BTG4: variants seen among roughly 807,000 people sequenced by gnomAD.
BTG4 encodes the protein BTG anti-proliferation factor 4.
A neutral mutation model predicts 19.3 loss-of-function variants in BTG4; 10 were observed. The ratio of observed to expected loss-of-function variants is 0.52; its 90% CI spans 0.32 to 0.88. The LOEUF (loss-of-function observed/expected upper bound fraction) is 0.88, where lower values mean the gene tolerates loss of function less well. Among genes scored for constraint, BTG4 ranks in the 40% least tolerant of loss-of-function variants. The pLI, the probability that BTG4 is intolerant of heterozygous loss-of-function variation, is 0.04. For synonymous variants in BTG4, 91 were observed against 95.7 expected, an observed-to-expected ratio of 0.95 and a Z score of 0.29; for missense variants, 238 against 281.9, an observed-to-expected ratio of 0.84 and a Z score of 1.11.
At chr11:111,434,719 G>T in the BTG4 span, among the ~76,000 whole-genome samples, 1 of 149,594 alleles carries the variant, frequency 6.7e-6, no homozygotes, top group Non-Finnish European at 1.5e-5. Context: ...AAAAAAAAAA[G>T]TTTGTCCGTA....
the BTG4 span, among the ~76,000 whole-genome samples, chr11:111,400,544 A>G: frequency 6.6e-6 from 1 of 152,236 alleles, no homozygotes; most frequent in African/African-American, 2.4e-5. Flanking sequence ...TTCAAAGGAA[A>G]ATAATCTTAT....
At chr11:111,395,937 G>T in the BTG4 span, among the ~76,000 whole-genome samples, 1 of 152,176 alleles carries the variant, frequency 6.6e-6, no homozygotes, top group South Asian at 2.1e-4. Context: ...TCCACCAGCC[G>T]GTGCAGCTAT....
intron 1 of BTG4, among the ~76,000 whole-genome samples, chr11:111,504,693 A>G (rs1866328186): frequency 1.3e-5 from 2 of 152,084 alleles, no homozygotes; most frequent in South Asian, 4.1e-4. Context: ...CTGTTCACTG[A>G]CAATATGATT....
At chr11:111,390,243 CTCAT>C in the BTG4 span, among the ~76,000 whole-genome samples, 1 of 152,190 alleles carries the variant, frequency 6.6e-6, no homozygotes, top group Admixed American at 6.5e-5. Flanking sequence ...CATTCATGCA[CTCAT>C]TCATTCAGCA....
chr11:111,502,186 G>T (rs1866129612), intron 1 of BTG4, among the ~76,000 whole-genome samples: 1 of 151,358 alleles, frequency 6.6e-6, no homozygotes, highest in South Asian at 2.1e-4. Flanking sequence ...TGCCCAGGTT[G>T]GTCTTGAACT....
At chr11:111,498,406 G>A (rs1186201828) in intron 2 of BTG4, among the ~76,000 whole-genome samples, 198 bp downstream of exon 2, 2 of 152,180 alleles carry the variant, frequency 1.3e-5, no homozygotes, top group African/African-American at 2.4e-5. Context: ...CCTCACATAA[G>A]GGGCTTTGCT....
At chr11:111,421,467 CGT>C in the BTG4 span, among the ~76,000 whole-genome samples, 1 of 152,198 alleles carries the variant, frequency 6.6e-6, no homozygotes, top group Non-Finnish European at 1.5e-5. Flanking sequence ...TAGGTTTGCA[CGT>C]GTGTTTCCCG....
At chr11:111,392,792 G>C in the BTG4 span, among the ~76,000 whole-genome samples, 1 of 152,174 alleles carries the variant, frequency 6.6e-6, no homozygotes, top group African/African-American at 2.4e-5. Context: ...GCCCAGACCT[G>C]CGAGTCAAGT....
chr11:111,495,003 C>A lies in BTG4; in HGVS notation c.*132G>T. 2 of 985,322 alleles carry A rather than the reference C, an allele frequency of 2.0e-6. No homozygotes were observed. The highest frequency in any genetic ancestry group is 2.4e-6 in the Non-Finnish European group (2 of 829,904). The allele number at this position is 985,322 out of a possible 1,614,324, so 61.0% of individuals were successfully genotyped here. ...GTGATGATCTGTATGAGAGGATTTA[C>A]CATTGTGTACCCTAGTCCCTAATAT... On this transcript the variant is annotated 3_prime_UTR_variant, in exon 5 of 5. Transcript: ENST00000692032.
At chr11:111,420,698 C>T in the BTG4 span, among the ~76,000 whole-genome samples, 10 of 152,354 alleles carry the variant, frequency 6.6e-5, no homozygotes, top group East Asian at 1.9e-3. Flanking sequence ...ATTGCAGTAG[C>T]AACCTGGTGA....
intron 5 of BTG4, among the ~76,000 whole-genome samples, chr11:111,474,816 T>A (rs941985754): frequency 2.0e-5 from 3 of 152,300 alleles, no homozygotes; most frequent in East Asian, 1.9e-4. Context: ...GTATTTTACA[T>A]CTTTTTTACT....
the BTG4 span, among the ~76,000 whole-genome samples, chr11:111,405,909 G>A: frequency 4.4e-3 from 668 of 152,180 alleles, 4 homozygotes; most frequent in African/African-American, 0.015. Context: ...AGAGTTTCTG[G>A]CATATAGCAA....
At chr11:111,501,934 C>T (rs1565471573) in intron 1 of BTG4, among the ~76,000 whole-genome samples, 1 of 151,994 alleles carries the variant, frequency 6.6e-6, no homozygotes, top group South Asian at 2.1e-4. Flanking sequence ...CTACTATGTA[C>T]CCAGAACATA....
At chr11:111,497,932 T>C in intron 3 of BTG4, 66 bp downstream of exon 3, 1 of 1,534,698 alleles carries the variant, frequency 6.5e-7, no homozygotes, top group Non-Finnish European at 8.9e-7. Context: ...TTCATGAAGG[T>C]ATGTAAAGTT....
At chr11:111,422,194 A>G in the BTG4 span, among the ~76,000 whole-genome samples, 1 of 152,196 alleles carries the variant, frequency 6.6e-6, no homozygotes, top group South Asian at 2.1e-4. Context: ...CGACCTTCAC[A>G]AGGGAGCCCC....
intron 1 of BTG4, among the ~76,000 whole-genome samples, chr11:111,505,173 A>C (rs547737276): frequency 1.3e-5 from 2 of 152,210 alleles, no homozygotes; most frequent in Admixed American, 1.3e-4. Flanking sequence ...CTCCCAAGCA[A>C]AAAGAACAGA....
chr11:111,467,643 G>A, exon 6 of BTG4: 3 of 765,914 alleles, frequency 3.9e-6, no homozygotes, highest in Non-Finnish European at 7.3e-6. Flanking sequence ...TCTTCTACCA[G>A]GTGCTGCAAA....
chr11:111,423,733 A>T, the BTG4 span, among the ~76,000 whole-genome samples: 1 of 152,238 alleles, frequency 6.6e-6, no homozygotes, highest in Non-Finnish European at 1.5e-5. Context: ...CAAAAAATAG[A>T]TATCACCATC....
chr11:111,422,185 G>A, the BTG4 span, among the ~76,000 whole-genome samples: 5 of 152,098 alleles, frequency 3.3e-5, no homozygotes, highest in African/African-American at 7.2e-5. Flanking sequence ...TGGTCTCAGC[G>A]ACCTTCACAA....
Sources: allele counts gnomAD v4.1 joint callset (sites outside exome capture counted in the v4.1 genomes callset), GRCh38; gene constraint gnomAD v4.1.1; transcripts MANE v1.5; gene names NCBI Gene and HGNC (gene_info 2026-07-23, HGNC 2026-07-21).